TJP1: variants seen among roughly 807,000 people sequenced by gnomAD.
TJP1 encodes the protein tight junction protein ZO-1.
A neutral mutation model predicts 194.2 loss-of-function variants in TJP1; 43 were observed. The observed-to-expected ratio is 0.22, with a 90% CI of 0.17 to 0.29. The LOEUF (loss-of-function observed/expected upper bound fraction) is 0.29. Among genes scored for constraint, TJP1 ranks in the 10% least tolerant of loss-of-function variants. The pLI, the probability that TJP1 is intolerant of heterozygous loss-of-function variation, is 1.00. For missense variants in TJP1, 1,971 were observed against 2,185.7 expected, an observed-to-expected ratio of 0.90 and a Z score of 1.96; for synonymous variants, 801 against 779.0, an observed-to-expected ratio of 1.03 and a Z score of -0.47.
intron 1 of TJP1, among the ~76,000 whole-genome samples, chr15:29,809,443 G>T (rs796650944): frequency 6.6e-6 from 1 of 152,166 alleles, no homozygotes; most frequent in Non-Finnish European, 1.5e-5. Context: ...CAAGGGAAGA[G>T]GGGAAAGAGA....
In TJP1 at chr15:29,757,644, A is replaced by G. The variant is rs539354469; in HGVS notation, c.1010+3495T>C. Among the ~76,000 whole-genome samples, 14 of 152,336 alleles carry G rather than the reference A, an allele frequency of 9.2e-5. 1 individual carries two copies. The East Asian group carries it at 1.9e-3, about 21-fold the overall frequency. On this transcript the variant is annotated intron_variant, in intron 8 of 27. Coordinates refer to ENST00000614355, the MANE Select transcript of TJP1 (RefSeq NM_001330239.4). Reference sequence around the variant, plus strand: ...ATATCTTGTCTGTAGGCAGATTACTAAATTTTCAGGAATTAAATTCTCACC... The same window carrying G: ...ATATCTTGTCTGTAGGCAGATTACTGAATTTTCAGGAATTAAATTCTCACC...
At chr15:29,968,372 G>A (rs949251830) in intron 1 of TJP1, 9 of 985,324 alleles carry the variant, frequency 9.1e-6, no homozygotes, top group Non-Finnish European at 1.1e-5. Flanking sequence ...GGAGGCCGAC[G>A]CCCGGGTGCG....
At chr15:29,821,746 G>A in intron 1 of TJP1, among the ~76,000 whole-genome samples, 1 of 151,576 alleles carries the variant, frequency 6.6e-6, no homozygotes, top group South Asian at 2.1e-4. Flanking sequence ...CGGCAGCTAT[G>A]CACCTGCCCA....
intron 1 of TJP1, among the ~76,000 whole-genome samples, chr15:29,966,716 T>C (rs1409938774): frequency 6.6e-6 from 1 of 152,058 alleles, no homozygotes; most frequent in Non-Finnish European, 1.5e-5. Flanking sequence ...CTCATGCAAC[T>C]TACATTTTAG....
At chr15:29,811,638 T>C (rs531532394) in intron 1 of TJP1, among the ~76,000 whole-genome samples, 80 of 152,334 alleles carry the variant, frequency 5.3e-4, no homozygotes, top group South Asian at 1.0e-3. Flanking sequence ...GACTAAGGAC[T>C]GTATCTCTTA....
intron 8 of TJP1, among the ~76,000 whole-genome samples, chr15:29,755,834 C>A (rs1436657243): frequency 1.3e-5 from 2 of 152,046 alleles, no homozygotes; most frequent in African/African-American, 4.8e-5. Context: ...TCTTGACAAT[C>A]CAAATTTCCC....
rs566197342 is a variant in TJP1 at position 29,944,303 on chromosome 15, C to T, written c.306+11929G>A. On this transcript the variant is annotated intron_variant, in intron 2 of 28. Transcript: ENST00000356107. The stretch of plus-strand genomic sequence containing the variant: ...GTAGAGACGGGGTTTCACCATGTTA[C>T]CCAGGATGGTCTCGACCTCCTGACC... 5.3e-5 allele frequency among the ~76,000 whole-genome samples: 8 copies of T among 151,764 alleles called. No homozygotes were observed. In the East Asian group the frequency reaches 1.2e-3, roughly 22 times the overall value.
At chr15:29,874,053 C>G (rs1176343156) in intron 2 of TJP1, among the ~76,000 whole-genome samples, 1 of 152,188 alleles carries the variant, frequency 6.6e-6, no homozygotes, top group East Asian at 1.9e-4. Context: ...AATGTACCAC[C>G]CACGGGGAGT....
intron 2 of TJP1, among the ~76,000 whole-genome samples, chr15:29,779,926 A>G (rs2047250691): frequency 6.6e-6 from 1 of 151,882 alleles, no homozygotes; most frequent in Admixed American, 6.6e-5. Context: ...TTAGCATGTG[A>G]ACGAAGCCAT....
chr15:29,885,108 G>T (rs1031899722), intron 2 of TJP1, among the ~76,000 whole-genome samples: 1 of 152,148 alleles, frequency 6.6e-6, no homozygotes, highest in Non-Finnish European at 1.5e-5. Context: ...GCTTTTCCCT[G>T]ACTCCCAGCC....
chr15:29,949,231 C>A (rs2055418796), intron 2 of TJP1, among the ~76,000 whole-genome samples: 1 of 100,436 alleles, frequency 1.0e-5, no homozygotes, highest in African/African-American at 5.0e-5. Flanking sequence ...CTTTCACCAC[C>A]ACTACCTCCA....
chr15:29,844,591 C>T (rs191031064), intron 2 of TJP1, among the ~76,000 whole-genome samples: 234 of 151,982 alleles, frequency 1.5e-3, no homozygotes, highest in African/African-American at 4.9e-3. Flanking sequence ...ATGGAGAAAG[C>T]GGGGAGTCAA....
intron 18 of TJP1, among the ~76,000 whole-genome samples, chr15:29,722,428 T>G (rs912271504): frequency 6.6e-6 from 1 of 152,178 alleles, no homozygotes; most frequent in African/African-American, 2.4e-5. Flanking sequence ...GCCCTAAGCC[T>G]TGGCAGCTTC....
chr15:29,903,810 C>G (rs1383737514), intron 2 of TJP1, among the ~76,000 whole-genome samples: 1 of 152,174 alleles, frequency 6.6e-6, no homozygotes, highest in East Asian at 1.9e-4. Context: ...ATCAGGGGAA[C>G]TTCGGGGAAA....
intron 2 of TJP1, among the ~76,000 whole-genome samples, chr15:29,949,868 TCCACC>T (rs2055586520): frequency 4.4e-5 from 1 of 22,666 alleles, no homozygotes; most frequent in Non-Finnish European, 7.1e-5. Flanking sequence ...AACCACCACC[TCCACC>T]TCCACAACCA....
At chr15:29,949,818 CT>C (rs2055575149) in intron 2 of TJP1, among the ~76,000 whole-genome samples, 1 of 86,156 alleles carries the variant, frequency 1.2e-5, no homozygotes. Context: ...TTCACCACTG[CT>C]ACCTCCACCA....
chr15:29,753,601 A>C (rs1037377121), intron 8 of TJP1, among the ~76,000 whole-genome samples: 7 of 152,020 alleles, frequency 4.6e-5, no homozygotes, highest in African/African-American at 1.7e-4. Context: ...GATAACATCC[A>C]CATTACTGGT....
intron 10 of TJP1, among the ~76,000 whole-genome samples, chr15:29,738,086 C>T (rs2044155458): frequency 6.6e-6 from 1 of 152,142 alleles, no homozygotes; most frequent in African/African-American, 2.4e-5. Flanking sequence ...AATGCATACA[C>T]ACCCACCTCT....
chr15:29,914,269 A>C (rs1522640), intron 2 of TJP1, among the ~76,000 whole-genome samples: 41,139 of 151,840 alleles, frequency 0.27, 5,975 homozygotes, highest in African/African-American at 0.38. Context: ...ATTTATATTT[A>C]TTTGGTAAAC....
Sources: gnomAD v4.1 joint callset for allele counts (sites outside exome capture counted in the v4.1 genomes callset) on GRCh38, gnomAD v4.1.1 for gene constraint, MANE v1.5 for transcripts, NCBI Gene and HGNC (gene_info 2026-07-23, HGNC 2026-07-21) for gene names.